Variants in PTPRD observed in about 807,000 individuals in gnomAD.
PTPRD encodes receptor-type tyrosine-protein phosphatase delta.
Under a neutral mutation model 214.5 loss-of-function variants are expected in PTPRD, and 34 were observed. The ratio of observed to expected loss-of-function variants is 0.16; its 90% confidence interval spans 0.12 to 0.21. The LOEUF (loss-of-function observed/expected upper bound fraction) is 0.21, where lower values mean the gene tolerates loss of function less well. PTPRD is among the 10% of genes least tolerant of loss of function. The pLI is 1.00. For synonymous variants in PTPRD, 1,128 were observed against 845.7 expected (o/e 1.33, Z -5.79); for missense variants, 2,545 against 2,398.7 (o/e 1.06, Z -1.27).
At chr9:8,814,937 G>A (rs577278484) in intron 11 of PTPRD, among the ~76,000 whole-genome samples, 20 of 152,100 alleles carry the variant, frequency 1.3e-4, no homozygotes, top group Non-Finnish European at 2.4e-4. Context: ...TCAATAGAAA[G>A]TAACTTAGAA....
chr9:9,327,567 T>C (rs888730039), intron 9 of PTPRD, among the ~76,000 whole-genome samples: 4 of 152,152 alleles, frequency 2.6e-5, no homozygotes, highest in Non-Finnish European at 5.9e-5. Context: ...GCCATATCCA[T>C]GACAGATAGT....
At chr9:8,596,974 C>T (rs554030033) in intron 14 of PTPRD, among the ~76,000 whole-genome samples, 12 of 152,014 alleles carry the variant, frequency 7.9e-5, no homozygotes, top group Non-Finnish European at 1.6e-4. Context: ...TATTACTGTG[C>T]TGTTAACAGA....
intron 2 of PTPRD, among the ~76,000 whole-genome samples, chr9:10,458,290 T>G (rs2098932692): frequency 6.6e-6 from 1 of 152,118 alleles, no homozygotes; most frequent in African/African-American, 2.4e-5. Context: ...TTGCAAAAAT[T>G]ACTCGACAAA....
At chr9:10,214,635 C>T (rs1394993355) in intron 3 of PTPRD, among the ~76,000 whole-genome samples, 2 of 151,866 alleles carry the variant, frequency 1.3e-5, no homozygotes, top group African/African-American at 2.4e-5. Context: ...GTAGGTGTTG[C>T]TGTATAAAAA....
At chr9:9,530,001 C>G (rs1020410247) in intron 8 of PTPRD, among the ~76,000 whole-genome samples, 12 of 151,922 alleles carry the variant, frequency 7.9e-5, no homozygotes, top group African/African-American at 2.9e-4. Flanking sequence ...TGGGAAATAG[C>G]AAAAGCAGTG....
intron 14 of PTPRD, among the ~76,000 whole-genome samples, chr9:8,543,378 C>T (rs867896077): frequency 4.6e-5 from 7 of 152,150 alleles, no homozygotes; most frequent in Non-Finnish European, 7.3e-5. Context: ...CCAACAGCCA[C>T]GAGTGGATGG....
chr9:8,440,432 C>T (rs961844632), intron 34 of PTPRD, among the ~76,000 whole-genome samples: 1 of 151,978 alleles, frequency 6.6e-6, no homozygotes, highest in Non-Finnish European at 1.5e-5. Context: ...TCCCCTGCCT[C>T]AGCCTCCTGA....
At chr9:10,241,981 GTTAAT>G (rs2091155884) in intron 3 of PTPRD, among the ~76,000 whole-genome samples, 1 of 151,876 alleles carries the variant, frequency 6.6e-6, no homozygotes, top group African/African-American at 2.4e-5. Flanking sequence ...CTTGTTAAAA[GTTAAT>G]TTAAACAACA....
intron 5 of PTPRD, among the ~76,000 whole-genome samples, chr9:9,846,228 C>T (rs992727587): frequency 3.9e-5 from 6 of 152,020 alleles, no homozygotes; most frequent in Admixed American, 6.6e-5. Flanking sequence ...GATCTTTACA[C>T]CTGTGCATAA....
At chr9:9,179,467 C>G (rs1039263198) in intron 10 of PTPRD, among the ~76,000 whole-genome samples, 1 of 152,066 alleles carries the variant, frequency 6.6e-6, no homozygotes, top group Non-Finnish European at 1.5e-5. Flanking sequence ...ATTGACTAAA[C>G]TTGGTCAATG....
intron 2 of PTPRD, among the ~76,000 whole-genome samples, chr9:10,528,969 T>C (rs1248271933): frequency 1.3e-5 from 2 of 152,182 alleles, no homozygotes; most frequent in East Asian, 1.9e-4. Flanking sequence ...ACTTTTTTAA[T>C]TAAGAAAAAT....
intron 10 of PTPRD, among the ~76,000 whole-genome samples, chr9:9,046,654 T>C (rs2154387576): frequency 1.3e-5 from 2 of 152,192 alleles, no homozygotes; most frequent in East Asian, 3.8e-4. Context: ...AAGGAATAGA[T>C]AGTAAATATT....
intron 9 of PTPRD, among the ~76,000 whole-genome samples, chr9:9,326,305 G>A (rs2039873819): frequency 6.6e-6 from 1 of 152,114 alleles, no homozygotes. Context: ...TAGAGAATAA[G>A]AATGTATAAT....
At chr9:9,555,447 C>T (rs79928136) in intron 8 of PTPRD, among the ~76,000 whole-genome samples, 2,480 of 152,132 alleles carry the variant, frequency 0.016, 38 homozygotes, top group Admixed American at 0.024. Flanking sequence ...TTCCCTAAAC[C>T]TGTCTTTATT....
chr9:9,392,124 G>A (rs971321897), intron 9 of PTPRD, among the ~76,000 whole-genome samples: 7 of 152,092 alleles, frequency 4.6e-5, no homozygotes, highest in East Asian at 1.9e-4. Flanking sequence ...GGCAAAACTC[G>A]TTATTTCATT....
intron 3 of PTPRD, among the ~76,000 whole-genome samples, chr9:10,290,225 T>C (rs1323270467): frequency 6.6e-6 from 1 of 152,164 alleles, no homozygotes; most frequent in Non-Finnish European, 1.5e-5. Flanking sequence ...ATTTATTCAA[T>C]AGTAGTCAAT....
Position 8,811,951 on chromosome 9 carries a change from A to G in PTPRD, c.-103-78005T>C, listed in dbSNP as rs1353427030. On this transcript the variant is annotated intron_variant, in intron 11 of 45. Coordinates refer to ENST00000381196, the MANE Select transcript of PTPRD (RefSeq NM_002839.4). ...GTGAGGCCTGAGTGAAGATCTGCAC[A>G]GGGAAGCTTCGAGGAGATCAACACA... 2.0e-5 allele frequency among the ~76,000 whole-genome samples: 3 copies of G among 151,778 alleles called. No homozygotes were observed. The East Asian group carries it at 5.8e-4, about 29-fold the overall frequency.
chr9:10,285,850 C>A (rs1437962338), intron 3 of PTPRD, among the ~76,000 whole-genome samples: 3 of 151,952 alleles, frequency 2.0e-5, no homozygotes, highest in Non-Finnish European at 4.4e-5. Flanking sequence ...ACCTCGCGAT[C>A]CGCCCGCCTC....
At chr9:10,017,737 T>C (rs539476340) in intron 4 of PTPRD, among the ~76,000 whole-genome samples, 19 of 152,238 alleles carry the variant, frequency 1.2e-4, no homozygotes, top group South Asian at 1.0e-3. Context: ...CTTATTTCTG[T>C]ATTACTAAAC....
Sources: allele counts gnomAD v4.1 joint callset (sites outside exome capture counted in the v4.1 genomes callset), GRCh38; gene constraint gnomAD v4.1.1; transcripts MANE v1.5; gene names NCBI Gene and HGNC (gene_info 2026-07-23, HGNC 2026-07-21).